Variants in CDKL5 observed in about 807,000 individuals in gnomAD.
CDKL5 encodes cyclin dependent kinase like 5.
In CDKL5, 8 loss-of-function variants were observed where a neutral mutation model predicts 61.7. That is an observed-to-expected ratio of 0.13 (90% CI 0.08 to 0.23). CDKL5 has a LOEUF of 0.23. Ranked by LOEUF, CDKL5 falls within the 10% of genes least tolerant of loss-of-function variation. The pLI, the probability that CDKL5 is intolerant of heterozygous loss-of-function variation, is 1.00. For synonymous variants in CDKL5, 275 were observed against 272.3 expected, an observed-to-expected ratio of 1.01 and a Z score of -0.10; for missense variants, 440 against 734.5, an observed-to-expected ratio of 0.60 and a Z score of 4.63.
At chrX:18,530,666 T>C (rs1923612320) in intron 3 of CDKL5, among the ~76,000 whole-genome samples, 1 of 112,254 alleles carries the variant, frequency 8.9e-6, no homozygotes, top group Non-Finnish European at 1.9e-5. Flanking sequence ...TATCTGAGTC[T>C]GGTTCTGATG....
intron 1 of CDKL5, chrX:18,426,239 C>G (rs1266896510): frequency 8.8e-6 from 1 of 113,031 alleles, no homozygotes; most frequent in Non-Finnish European, 1.9e-5. Flanking sequence ...GCGCCGGCCC[C>G]GCGGCTCCGC....
intron 2 of CDKL5, among the ~76,000 whole-genome samples, chrX:18,509,642 CT>C (rs1474757596): frequency 9.0e-6 from 1 of 111,664 alleles, no homozygotes; most frequent in Non-Finnish European, 1.9e-5. Flanking sequence ...TTCCTGAGTA[CT>C]TTGCTGTCAA....
rs964502382 is a variant in CDKL5 at position 18,450,340 on chromosome X, C to A, written c.-163+24645C>A. ...TAAATAACATAGGTGAAGTGCCCAA[C>A]ACAGTACTTGGTACATAATAGGCAG... On this transcript the variant is annotated intron_variant, in intron 1 of 17. Transcript: ENST00000623535. 3.6e-5 allele frequency among the ~76,000 whole-genome samples: 4 copies of A among 111,978 alleles called. No homozygotes were observed. The Admixed American group carries it at 3.8e-4, about 11-fold the overall frequency.
intron 3 of CDKL5, among the ~76,000 whole-genome samples, chrX:18,528,118 G>T (rs1365561389): frequency 9.0e-6 from 1 of 110,656 alleles, no homozygotes; most frequent in East Asian, 2.8e-4. Flanking sequence ...GTCTATCTTG[G>T]TAATTGTTCC....
intron 1 of CDKL5, among the ~76,000 whole-genome samples, chrX:18,432,290 G>A (rs978532654): frequency 2.8e-5 from 3 of 108,802 alleles, no homozygotes; most frequent in African/African-American, 1.0e-4. Flanking sequence ...TAGAGACAGG[G>A]TTTCACCATG....
At chrX:18,593,250 G>A (rs1047282939) in intron 9 of CDKL5, among the ~76,000 whole-genome samples, 1 of 112,017 alleles carries the variant, frequency 8.9e-6, no homozygotes, top group Non-Finnish European at 1.9e-5. Flanking sequence ...GCTATTTGTT[G>A]AATTATTTCA....
At chrX:18,586,794 A>G (rs1376144050) in intron 8 of CDKL5, among the ~76,000 whole-genome samples, 1 of 111,778 alleles carries the variant, frequency 8.9e-6, no homozygotes, top group Non-Finnish European at 1.9e-5. Context: ...ATTTTCCATA[A>G]GTTTCTCCAT....
At chrX:18,501,840 C>T (rs750376577) in intron 1 of CDKL5, among the ~76,000 whole-genome samples, 3 of 112,513 alleles carry the variant, frequency 2.7e-5, no homozygotes, top group Non-Finnish European at 5.6e-5. Context: ...TGAGCCACCA[C>T]GCCCGGCCAC....
intron 6 of CDKL5, 112 bp downstream of exon 6, chrX:18,580,080 A>T (rs868641825): frequency 1.7e-4 from 113 of 656,156 alleles, no homozygotes; most frequent in Middle Eastern, 3.9e-4. Context: ...ATTGCCATTT[A>T]AATTAAATAT....
chrX:18,591,574 C>A (rs1441395203), intron 9 of CDKL5, among the ~76,000 whole-genome samples: 1 of 111,533 alleles, frequency 9.0e-6, no homozygotes, highest in Non-Finnish European at 1.9e-5. Flanking sequence ...GAAACCTCTA[C>A]AAGGTTACTG....
At position 18,533,074 on chromosome X, in the gene CDKL5, A is replaced by AT. The variant is rs999623724; in HGVS notation, c.99+22228dup. Among the ~76,000 whole-genome samples, 31 of 111,434 alleles carry AT rather than the reference A, an allele frequency of 2.8e-4. No homozygotes were observed. In the East Asian group the frequency reaches 6.7e-3, roughly 24 times the overall value. ...GAATTAAAATGTTAAATAGAATGTA[A>AT]TTTTTTTTGTTTTTCTCTATAAATG... On this transcript the variant is annotated intron_variant, in intron 3 of 17. Coordinates refer to ENST00000623535, the MANE Select transcript of CDKL5 (RefSeq NM_001323289.2).
chrX:18,513,472 TAGA>T (rs1922897784), intron 3 of CDKL5, among the ~76,000 whole-genome samples: 1 of 110,560 alleles, frequency 9.0e-6, no homozygotes, highest in East Asian at 2.8e-4. Flanking sequence ...TCTGAAGAGA[TAGA>T]AGAATAGATA....
chrX:18,432,493 C>T (rs887862791), intron 1 of CDKL5, among the ~76,000 whole-genome samples: 4 of 110,634 alleles, frequency 3.6e-5, no homozygotes, highest in African/African-American at 1.3e-4. Context: ...CTGCCCGCTT[C>T]GGCCTCCTAA....
intron 3 of CDKL5, among the ~76,000 whole-genome samples, chrX:18,512,821 T>TA (rs1022168545): frequency 4.4e-4 from 49 of 111,078 alleles, no homozygotes; most frequent in Non-Finnish European, 8.9e-4. Flanking sequence ...TTCTGAAGCT[T>TA]AAAAAAAATT....
chrX:18,606,556 G>A (rs549814612), intron 12 of CDKL5, among the ~76,000 whole-genome samples: 2 of 112,554 alleles, frequency 1.8e-5, no homozygotes, highest in Admixed American at 1.9e-4. Flanking sequence ...CTAGAGGCAT[G>A]CCAGTGTGGC....
intron 3 of CDKL5, among the ~76,000 whole-genome samples, chrX:18,536,432 GTTTTTTTTTTTTTTTTTTT>G (rs746308567): frequency 1.5e-4 from 6 of 40,543 alleles, no homozygotes; most frequent in Admixed American, 4.7e-4. Context: ...TTCAATACAG[GTTTTTTTTTTTTTTTTTTT>G]TTTTTTTTTT....
chrX:18,550,752 C>T (rs1042083543), intron 3 of CDKL5, among the ~76,000 whole-genome samples: 1 of 112,491 alleles, frequency 8.9e-6, no homozygotes, highest in African/African-American at 3.2e-5. Context: ...TTTTCATTTT[C>T]TCGCCTCAGT....
At chrX:18,484,265 T>C (rs1921699514) in intron 1 of CDKL5, among the ~76,000 whole-genome samples, 1 of 112,199 alleles carries the variant, frequency 8.9e-6, no homozygotes, top group African/African-American at 3.2e-5. Context: ...GAATGCAGTA[T>C]TGTTTACAAG....
chrX:18,639,836 A>G lies in CDKL5; in HGVS notation c.*11079A>G. 1 of 112,462 alleles carries G rather than the reference A, an allele frequency of 8.9e-6. No individual in the cohort carries two copies. Among genetic ancestry groups the G allele is most frequent in the Non-Finnish European group, 1.9e-5 (1 of 53,311 alleles). 9.3% of individuals were successfully genotyped at this position (112,462 alleles called of 1,213,427 possible). ...CAGCAATAAAAAGGAGTGACAAGTGACATAGTGATACACATGTTATAACGT... is the reference window on the plus strand; with the variant it reads ...CAGCAATAAAAAGGAGTGACAAGTGGCATAGTGATACACATGTTATAACGT... On this transcript the variant is annotated 3_prime_UTR_variant, in exon 18 of 18. Transcript: ENST00000623535.
Sources: allele counts gnomAD v4.1 joint callset (sites outside exome capture counted in the v4.1 genomes callset), GRCh38; gene constraint gnomAD v4.1.1; transcripts MANE v1.5; gene names NCBI Gene and HGNC (gene_info 2026-07-23, HGNC 2026-07-21).